The following GRIN2B variants were observed in gnomAD, a reference collection of about 807,000 sequenced individuals.
GRIN2B encodes glutamate receptor ionotropic, NMDA 2B.
GRIN2B carries 5 observed loss-of-function variants against 114.5 expected under a neutral mutation model. The observed-to-expected ratio is 0.04, with a 90% confidence interval of 0.02 to 0.09. The LOEUF (loss-of-function observed/expected upper bound fraction) is 0.09, where lower values mean the gene tolerates loss of function less well. Among genes scored for constraint, GRIN2B ranks in the 10% least tolerant of loss-of-function variants. The pLI, the probability that GRIN2B is intolerant of heterozygous loss-of-function variation, is 1.00. For synonymous variants in GRIN2B, 787 were observed against 745.1 expected (o/e 1.06, Z -0.92); for missense variants, 1,108 against 1,943.5 (o/e 0.57, Z 8.08).
rs201947553 is a variant in GRIN2B, at chr12:13,563,441, G to A, written c.3797C>T (p.Pro1266Leu). The A allele has an allele frequency of 1.4e-4, 229 of 1,614,056 alleles. No individual in the cohort carries two copies. Among genetic ancestry groups the A allele is most frequent in the Non-Finnish European group, 1.9e-4 (219 of 1,180,038 alleles). Residue 1266 changes from proline to leucine, a missense_variant, in exon 14 of 14, where the codon CCG (proline) becomes CTG (leucine). By Grantham distance (98) the Pro-to-Leu change is moderately conservative. Around this residue, in one of 19 missense-constraint regions of GRIN2B, gnomAD observed 478 missense variants for 506.0 expected, o/e 0.94. Coordinates refer to ENST00000609686, the MANE Select transcript of GRIN2B (RefSeq NM_000834.5). ...TGACGTCACCGCCACTGGGGCAGCC[G>A]GCTGGTCCAGTTCCTGCAGGGAGTT... ...EDNSLQELDQ[P>L]AAPVAVTSNA...
At chr12:13,842,094 G>A (rs1865389280) in intron 3 of GRIN2B, among the ~76,000 whole-genome samples, 1 of 152,058 alleles carries the variant, frequency 6.6e-6, no homozygotes, top group South Asian at 2.1e-4. Context: ...CCAAAAAGGA[G>A]GCTTGACGAA....
intron 10 of GRIN2B, among the ~76,000 whole-genome samples, chr12:13,583,406 G>GTAATT (rs1948878058): frequency 6.6e-6 from 1 of 152,202 alleles, no homozygotes; most frequent in African/African-American, 2.4e-5. Context: ...CAGACAGTAA[G>GTAATT]TAATTTGAAT....
intron 2 of GRIN2B, among the ~76,000 whole-genome samples, chr12:13,925,956 T>C (rs1420624769): frequency 6.6e-6 from 1 of 152,086 alleles, no homozygotes; most frequent in Non-Finnish European, 1.5e-5. Flanking sequence ...GAAGAGTTCA[T>C]AGATAAAGAA....
chr12:13,979,217 G>A (rs976620943), intron 2 of GRIN2B, among the ~76,000 whole-genome samples: 8 of 152,214 alleles, frequency 5.3e-5, no homozygotes, highest in East Asian at 1.9e-4. Flanking sequence ...CAAATTAAAA[G>A]CAGAATATTG....
At chr12:13,628,216 A>G (rs946970888) in intron 5 of GRIN2B, among the ~76,000 whole-genome samples, 12 of 152,192 alleles carry the variant, frequency 7.9e-5, no homozygotes, top group African/African-American at 2.7e-4. Context: ...CCATAGCATT[A>G]GATGGTCTAG....
chr12:13,598,836 G>A (rs1949110943), intron 10 of GRIN2B, among the ~76,000 whole-genome samples: 1 of 152,084 alleles, frequency 6.6e-6, no homozygotes, highest in Non-Finnish European at 1.5e-5. Context: ...CCACTTCCCT[G>A]GCAGCTACTC....
chr12:13,618,519 T>G (rs1949474203), intron 5 of GRIN2B, among the ~76,000 whole-genome samples: 1 of 152,192 alleles, frequency 6.6e-6, no homozygotes, highest in Non-Finnish European at 1.5e-5. Flanking sequence ...ATTCTGACAT[T>G]ATTGCAGGAA....
At chr12:13,637,994 G>T (rs919174016) in intron 5 of GRIN2B, among the ~76,000 whole-genome samples, 1 of 152,154 alleles carries the variant, frequency 6.6e-6, no homozygotes, top group East Asian at 1.9e-4. Flanking sequence ...GGATTTAAAA[G>T]AAACGAGATT....
intron 4 of GRIN2B, among the ~76,000 whole-genome samples, chr12:13,711,864 A>C (rs1334473093): frequency 4.6e-5 from 7 of 151,956 alleles, no homozygotes; most frequent in East Asian, 3.9e-4. Flanking sequence ...TTGACCCAGC[A>C]ATCCCATTAC....
chr12:13,971,363 T>C (rs571538863), intron 2 of GRIN2B, among the ~76,000 whole-genome samples: 1 of 152,322 alleles, frequency 6.6e-6, no homozygotes, highest in Non-Finnish European at 1.5e-5. Context: ...AGGTTCACAT[T>C]TATTTTAAAA....
At chr12:13,651,599 T>C (rs1365160490) in intron 5 of GRIN2B, among the ~76,000 whole-genome samples, 3 of 152,082 alleles carry the variant, frequency 2.0e-5, no homozygotes, top group Non-Finnish European at 4.4e-5. Flanking sequence ...AAGTATAATG[T>C]CCATCCATTT....
chr12:13,684,214 C>T (rs957463538), intron 4 of GRIN2B, among the ~76,000 whole-genome samples: 1 of 152,112 alleles, frequency 6.6e-6, no homozygotes, highest in Non-Finnish European at 1.5e-5. Flanking sequence ...TGTGCTCATA[C>T]CTCCATAATT....
At chr12:13,578,007 G>A (rs1169927358) in intron 10 of GRIN2B, among the ~76,000 whole-genome samples, 2 of 152,208 alleles carry the variant, frequency 1.3e-5, no homozygotes, top group Non-Finnish European at 2.9e-5. Context: ...TATTGCAGAA[G>A]AGTATGATCT....
At chr12:13,888,018 G>T (rs1417489993) in intron 2 of GRIN2B, among the ~76,000 whole-genome samples, 6 of 152,118 alleles carry the variant, frequency 3.9e-5, no homozygotes, top group Non-Finnish European at 7.3e-5. Flanking sequence ...CTAATTCCAA[G>T]TCAGTTGAGC....
intron 4 of GRIN2B, among the ~76,000 whole-genome samples, chr12:13,706,826 C>T (rs542557879): frequency 6.6e-6 from 1 of 152,174 alleles, no homozygotes; most frequent in South Asian, 2.1e-4. Context: ...CTGCCTTGTT[C>T]CAAGGCATCT....
At chr12:13,767,258 C>CA (rs34462939) in intron 3 of GRIN2B, among the ~76,000 whole-genome samples, 14,400 of 97,478 alleles carry the variant, frequency 0.15, 1,244 homozygotes, top group African/African-American at 0.26. Flanking sequence ...GACTCTGTCT[C>CA]AAAAAAAAAA....
intron 10 of GRIN2B, among the ~76,000 whole-genome samples, chr12:13,600,418 G>T (rs1949140929): frequency 6.6e-6 from 1 of 152,178 alleles, no homozygotes; most frequent in African/African-American, 2.4e-5. Flanking sequence ...TCCTTGTGCA[G>T]CTTTGTGAGT....
At chr12:13,578,003 A>G (rs764260687) in intron 10 of GRIN2B, among the ~76,000 whole-genome samples, 8 of 152,226 alleles carry the variant, frequency 5.3e-5, no homozygotes, top group Non-Finnish European at 1.2e-4. Context: ...GCAGTATTGC[A>G]GAAGAGTATG....
chr12:13,582,033 C>G (rs1565461956), intron 10 of GRIN2B, among the ~76,000 whole-genome samples: 1 of 152,072 alleles, frequency 6.6e-6, no homozygotes, highest in Non-Finnish European at 1.5e-5. Flanking sequence ...AATAAACAAG[C>G]CACTTAGCTT....
Sources: gnomAD v4.1 joint callset for allele counts (sites outside exome capture counted in the v4.1 genomes callset) on GRCh38, gnomAD v4.1.1 for gene constraint, gnomAD v4.1.1 regional missense constraint, MANE v1.5 for transcripts, NCBI Gene and HGNC (gene_info 2026-07-23, HGNC 2026-07-21) for gene names.